Variants in CNBD1 observed in about 807,000 individuals in gnomAD.
CNBD1 encodes the protein cyclic nucleotide-binding domain-containing protein 1.
A neutral mutation model predicts 54.4 loss-of-function variants in CNBD1; 71 were observed. The ratio of observed to expected loss-of-function variants is 1.30; its 90% CI spans 1.08 to 1.59. CNBD1 has a LOEUF of 1.59. CNBD1 is among the 40% of genes most tolerant of loss of function. CNBD1 has a pLI of 0.00. For synonymous variants in CNBD1, 182 were observed against 170.7 expected (o/e 1.07, Z -0.51); for missense variants, 659 against 518.0 (o/e 1.27, Z -2.64).
At chr8:87,292,300 T>C (rs1298877249) in intron 8 of CNBD1, among the ~76,000 whole-genome samples, 1 of 152,200 alleles carries the variant, frequency 6.6e-6, no homozygotes, top group African/African-American at 2.4e-5. Context: ...AAGGTGAGGT[T>C]AAATAAGGAA....
intron 4 of CNBD1, among the ~76,000 whole-genome samples, chr8:86,976,380 T>A (rs1035576796): frequency 6.6e-6 from 1 of 151,936 alleles, no homozygotes; most frequent in Non-Finnish European, 1.5e-5. Flanking sequence ...TTTAAGTCTT[T>A]AATCCATTTT....
chr8:87,021,003 C>A (rs1809477141), intron 4 of CNBD1, among the ~76,000 whole-genome samples: 1 of 152,188 alleles, frequency 6.6e-6, no homozygotes, highest in Admixed American at 6.5e-5. Flanking sequence ...CAATTGTCAA[C>A]CAGAAAATGT....
chr8:87,015,539 C>G (rs527971139), intron 4 of CNBD1, among the ~76,000 whole-genome samples: 7 of 152,026 alleles, frequency 4.6e-5, no homozygotes, highest in Non-Finnish European at 1.0e-4. Flanking sequence ...ATTCTATAAT[C>G]TGTTTAACAT....
intron 5 of CNBD1, among the ~76,000 whole-genome samples, chr8:87,230,824 A>G (rs912192492): frequency 6.6e-6 from 1 of 152,232 alleles, no homozygotes; most frequent in Non-Finnish European, 1.5e-5. Flanking sequence ...ATTTAGGAAT[A>G]GCCAATCAAC....
At chr8:87,365,819 G>A (rs1437695061) in intron 10 of CNBD1, among the ~76,000 whole-genome samples, 1 of 151,962 alleles carries the variant, frequency 6.6e-6, no homozygotes, top group Non-Finnish European at 1.5e-5. Context: ...TAAATAACTG[G>A]TTTATTGAAT....
intron 4 of CNBD1, among the ~76,000 whole-genome samples, chr8:87,073,509 TTG>T (rs1810802403): frequency 6.6e-6 from 1 of 152,140 alleles, no homozygotes; most frequent in Non-Finnish European, 1.5e-5. Flanking sequence ...GGATGTTGTG[TTG>T]TTGTTGTTTT....
At chr8:86,902,328 A>T (rs1048388891) in intron 2 of CNBD1, among the ~76,000 whole-genome samples, 1 of 152,086 alleles carries the variant, frequency 6.6e-6, no homozygotes, top group Non-Finnish European at 1.5e-5. Context: ...CATAGCAGTT[A>T]TTAACATTTA....
chr8:87,375,001 A>T (rs1421405901), intron 10 of CNBD1, among the ~76,000 whole-genome samples: 7 of 151,972 alleles, frequency 4.6e-5, no homozygotes, highest in African/African-American at 1.7e-4. Context: ...CTGGATTAGA[A>T]CATAAAATAA....
chr8:87,369,306 T>C (rs1335369053), intron 10 of CNBD1, among the ~76,000 whole-genome samples: 1 of 152,018 alleles, frequency 6.6e-6, no homozygotes, highest in Non-Finnish European at 1.5e-5. Flanking sequence ...ATTCCGTACA[T>C]GCTGTTTGAG....
intron 1 of CNBD1, among the ~76,000 whole-genome samples, chr8:86,884,839 C>G (rs187831726): frequency 3.9e-5 from 6 of 152,292 alleles, no homozygotes; most frequent in African/African-American, 1.4e-4. Flanking sequence ...TTCCATTTAT[C>G]ATTGGATTAA....
chr8:87,362,334 C>T (rs916812783), intron 10 of CNBD1, among the ~76,000 whole-genome samples: 2 of 152,080 alleles, frequency 1.3e-5, no homozygotes, highest in Admixed American at 1.3e-4. Flanking sequence ...TCAGTGATAA[C>T]TGAGGTTTTT....
At chr8:87,330,466 T>C (rs1007560764) in intron 8 of CNBD1, among the ~76,000 whole-genome samples, 3 of 152,132 alleles carry the variant, frequency 2.0e-5, no homozygotes, top group African/African-American at 7.2e-5. Context: ...CTGCATCTTA[T>C]ACATTTTGAT....
Position 87,321,440 on chromosome 8 carries a change from T to C in CNBD1, c.1043-30245T>C, listed in dbSNP as rs574360283. Among the ~76,000 whole-genome samples, 9 of 152,324 alleles carry C rather than the reference T, an allele frequency of 5.9e-5. No homozygotes were observed. In the South Asian group the frequency reaches 1.2e-3, roughly 21 times the overall value. On this transcript the variant is annotated intron_variant, in intron 8 of 10. Coordinates refer to ENST00000518476, the MANE Select transcript of CNBD1 (RefSeq NM_173538.3). ...GTGATTTTGATTTGTGTTTGTGTAA[T>C]AATTAGTGATACTGAACATCTTTTC...
At chr8:86,916,832 T>C (rs956466598) in intron 3 of CNBD1, among the ~76,000 whole-genome samples, 1 of 151,766 alleles carries the variant, frequency 6.6e-6, no homozygotes, top group Non-Finnish European at 1.5e-5. Context: ...TCCTCCTGAG[T>C]AGCTGGGATT....
At chr8:86,990,322 G>C (rs1179475505) in intron 4 of CNBD1, among the ~76,000 whole-genome samples, 6 of 152,078 alleles carry the variant, frequency 3.9e-5, no homozygotes, top group Non-Finnish European at 7.4e-5. Context: ...GTAGTTCCAT[G>C]GTTTATGTTC....
At chr8:87,334,231 C>G (rs541722849) in intron 8 of CNBD1, among the ~76,000 whole-genome samples, 5 of 152,130 alleles carry the variant, frequency 3.3e-5, no homozygotes, top group African/African-American at 1.2e-4. Context: ...TTGATATCCC[C>G]TTTATCAATT....
chr8:87,320,730 CAT>C (rs1008231383), intron 8 of CNBD1, among the ~76,000 whole-genome samples: 2 of 151,898 alleles, frequency 1.3e-5, no homozygotes, highest in African/African-American at 4.8e-5. Flanking sequence ...TGATAAAAAA[CAT>C]GAGACCTATC....
chr8:87,368,612 G>T (rs1000056916), intron 10 of CNBD1, among the ~76,000 whole-genome samples: 1 of 151,920 alleles, frequency 6.6e-6, no homozygotes. Context: ...ACTCCACCCT[G>T]GGTGACAGAA....
intron 2 of CNBD1, among the ~76,000 whole-genome samples, chr8:86,890,707 A>C (rs1488671603): frequency 6.6e-6 from 1 of 152,042 alleles, no homozygotes. Context: ...CCCACTAACA[A>C]TGTACCTGTA....
Sources: gnomAD v4.1 joint callset for allele counts (sites outside exome capture counted in the v4.1 genomes callset) on GRCh38, gnomAD v4.1.1 for gene constraint, MANE v1.5 for transcripts, NCBI Gene and HGNC (gene_info 2026-07-23, HGNC 2026-07-21) for gene names.